Variants in PRKAG2 observed in about 807,000 individuals in gnomAD.
PRKAG2 encodes the protein protein kinase AMP-activated non-catalytic subunit gamma 2.
Under a neutral mutation model 69.6 loss-of-function variants are expected in PRKAG2, and 26 were observed. The ratio of observed to expected loss-of-function variants is 0.37; its 90% confidence interval spans 0.27 to 0.52. PRKAG2 has a LOEUF of 0.52. Ranked by LOEUF, PRKAG2 falls within the 20% of genes least tolerant of loss-of-function variation. The pLI, the probability that PRKAG2 is intolerant of heterozygous loss-of-function variation, is 0.90. For missense variants in PRKAG2, 557 were observed against 740.0 expected (o/e 0.75, Z 2.87); for synonymous variants, 293 against 285.0 (o/e 1.03, Z -0.28).
intron 3 of PRKAG2, among the ~76,000 whole-genome samples, chr7:151,720,181 C>T (rs1264586723): frequency 1.3e-5 from 2 of 152,304 alleles, no homozygotes; most frequent in East Asian, 3.9e-4. Context: ...CTACAAACTC[C>T]TCCAGTGGCT....
intron 3 of PRKAG2, among the ~76,000 whole-genome samples, chr7:151,688,043 C>T (rs961126261): frequency 1.8e-5 from 1 of 56,544 alleles, no homozygotes; most frequent in African/African-American, 5.8e-5. Flanking sequence ...GGAAATGAGG[C>T]CCCCCCCCGG....
At chr7:151,768,104 G>A (rs1270940403) in intron 3 of PRKAG2, among the ~76,000 whole-genome samples, 1 of 152,152 alleles carries the variant, frequency 6.6e-6, no homozygotes, top group African/African-American at 2.4e-5. Flanking sequence ...ATGTTCACTT[G>A]GCTCATGGGA....
intron 1 of PRKAG2, among the ~76,000 whole-genome samples, chr7:151,855,345 CATG>C (rs1563757314): frequency 1.4e-5 from 1 of 73,126 alleles, no homozygotes. Flanking sequence ...CCACACACAC[CATG>C]CTCCACACAC....
At chr7:151,684,206 C>T (rs944165233) in intron 3 of PRKAG2, among the ~76,000 whole-genome samples, 1 of 152,150 alleles carries the variant, frequency 6.6e-6, no homozygotes. Flanking sequence ...TTCCCCTCGT[C>T]GCTCCAGGCC....
intron 3 of PRKAG2, among the ~76,000 whole-genome samples, chr7:151,718,586 G>C (rs12670430): frequency 0.097 from 13,877 of 142,564 alleles, 1,420 homozygotes; most frequent in African/African-American, 0.25. Context: ...TAAAAGTGCT[G>C]AGTAGCTCAT....
intron 3 of PRKAG2, among the ~76,000 whole-genome samples, chr7:151,684,139 G>A (rs1259946447): frequency 6.6e-6 from 1 of 152,176 alleles, no homozygotes; most frequent in African/African-American, 2.4e-5. Context: ...GGGGAGCCAG[G>A]GAATAGAGGG....
chr7:151,634,061 C>G (rs1220372708), intron 4 of PRKAG2, among the ~76,000 whole-genome samples: 1 of 152,172 alleles, frequency 6.6e-6, no homozygotes, highest in East Asian at 1.9e-4. Context: ...TCCCAAGTAG[C>G]TGGGACTACA....
chr7:151,712,873 C>G (rs188499884), intron 3 of PRKAG2, among the ~76,000 whole-genome samples: 6 of 152,220 alleles, frequency 3.9e-5, no homozygotes, highest in African/African-American at 1.4e-4. Flanking sequence ...TCTGGCCATG[C>G]AAATTCATTC....
chr7:151,585,139 G>A (rs967872841), intron 6 of PRKAG2, among the ~76,000 whole-genome samples: 3 of 152,068 alleles, frequency 2.0e-5, no homozygotes, highest in South Asian at 2.1e-4. Flanking sequence ...AATTTCTCTC[G>A]ATCAGCACTG....
intron 1 of PRKAG2, among the ~76,000 whole-genome samples, chr7:151,817,176 C>A (rs1033202128): frequency 6.6e-6 from 1 of 152,158 alleles, no homozygotes; most frequent in Non-Finnish European, 1.5e-5. Flanking sequence ...CACCTACTCT[C>A]CCTGGAGGGC....
intron 4 of PRKAG2, among the ~76,000 whole-genome samples, chr7:151,661,176 CT>C (rs1563367131): frequency 6.6e-6 from 1 of 152,090 alleles, no homozygotes. Context: ...CTTTCACTGT[CT>C]TTTTTTGTTT....
intron 1 of PRKAG2, among the ~76,000 whole-genome samples, chr7:151,857,701 C>T (rs956145291): frequency 4.6e-5 from 7 of 152,230 alleles, no homozygotes; most frequent in African/African-American, 1.7e-4. Context: ...CTGCCACCCA[C>T]GCATGCTGAG....
At chr7:151,820,460 G>T (rs911877521) in intron 1 of PRKAG2, among the ~76,000 whole-genome samples, 1 of 143,334 alleles carries the variant, frequency 7.0e-6, no homozygotes, top group African/African-American at 2.6e-5. Context: ...TGGCCCCTGT[G>T]GCTTCTGCAG....
At chr7:151,843,706 C>G (rs975192938) in intron 1 of PRKAG2, among the ~76,000 whole-genome samples, 1 of 152,196 alleles carries the variant, frequency 6.6e-6, no homozygotes, top group East Asian at 1.9e-4. Flanking sequence ...AACTTGAGAC[C>G]ACTTATCACC....
At chr7:151,723,688 C>T (rs910091647) in intron 3 of PRKAG2, among the ~76,000 whole-genome samples, 43 of 152,212 alleles carry the variant, frequency 2.8e-4, no homozygotes, top group African/African-American at 1.0e-3. Context: ...GATTTCCAAC[C>T]TACAGGGAGC....
chr7:151,586,288 G>A (rs3789815), intron 6 of PRKAG2, among the ~76,000 whole-genome samples: 23,476 of 151,840 alleles, frequency 0.15, 1,999 homozygotes, highest in East Asian at 0.27. Context: ...TGGCACGGCC[G>A]TCTACGCAAC....
At chr7:151,759,172 C>A (rs1490502832) in intron 3 of PRKAG2, among the ~76,000 whole-genome samples, 1 of 152,200 alleles carries the variant, frequency 6.6e-6, no homozygotes, top group Admixed American at 6.5e-5. Context: ...CAGCTCCCTG[C>A]AGGCTCAGAG....
intron 3 of PRKAG2, chr7:151,736,056 AG>A: frequency 6.5e-7 from 1 of 1,533,560 alleles, no homozygotes; most frequent in African/African-American, 1.4e-5. Flanking sequence ...AACCGGTGTC[AG>A]CCCCAGGTGG....
rs6943046 is a variant in PRKAG2, at chr7:151,660,755, T to C, written c.684+14665A>G. ...ATCTGTCCATTTCTGTATTTGTGTA[T>C]AAAGGAACAACAAAAGTTAGACGAA... On this transcript the variant is annotated intron_variant, in intron 4 of 15. Transcript: ENST00000287878. Among the ~76,000 whole-genome samples the C allele has an allele frequency of 5.0e-3, 769 of 152,374 alleles. 3 individuals carry two copies. Among genetic ancestry groups the C allele is most frequent in the African/African-American group, 0.018 (734 of 41,594 alleles).
Sources: allele counts gnomAD v4.1 joint callset (sites outside exome capture counted in the v4.1 genomes callset), GRCh38; gene constraint gnomAD v4.1.1; transcripts MANE v1.5; gene names NCBI Gene and HGNC (gene_info 2026-07-23, HGNC 2026-07-21).